ANK2: variants seen among roughly 807,000 people sequenced by gnomAD.
ANK2 encodes ankyrin 2.
ANK2 carries 83 observed loss-of-function variants against 360.5 expected under a neutral mutation model. That is an observed-to-expected ratio of 0.23 (90% CI 0.19 to 0.28). The LOEUF is 0.28. Among genes scored for constraint, ANK2 ranks in the 10% least tolerant of loss-of-function variants. ANK2 has a pLI of 1.00. For missense variants in ANK2, 4,201 were observed against 4,795.7 expected, an observed-to-expected ratio of 0.88 and a Z score of 3.66; for synonymous variants, 1,740 against 1,759.5, an observed-to-expected ratio of 0.99 and a Z score of 0.28.
chr4:113,278,586 G>A (rs2153701442), intron 17 of ANK2, 28 bp downstream of exon 17: 1 of 1,597,782 alleles, frequency 6.3e-7, no homozygotes, highest in Non-Finnish European at 8.6e-7. Context: ...GGATTTACAG[G>A]CATAGGGTGT....
intron 6 of ANK2, 54 bp downstream of exon 6, chr4:113,237,226 T>C (rs2099390167): frequency 1.3e-6 from 2 of 1,557,754 alleles, no homozygotes; most frequent in Non-Finnish European, 1.8e-6. Context: ...GCCAGACTCC[T>C]CCTGGGGGAT....
In ANK2 at chr4:113,166,846, G is replaced by A. The variant is rs111979954; in HGVS notation, c.85-7570G>A. Among the ~76,000 whole-genome samples the A allele has an allele frequency of 2.3e-3, 351 of 152,058 alleles. 1 individual carries two copies. Among genetic ancestry groups the A allele is most frequent in the African/African-American group, 8.2e-3 (340 of 41,502 alleles). On this transcript the variant is annotated intron_variant, in intron 1 of 45. Coordinates refer to ENST00000357077, the MANE Select transcript of ANK2 (RefSeq NM_001148.6). ...TTGTAGTAAACATGTTGAAGAACAG[G>A]GGAGTAATGCTATTTATACAATATA...
At chr4:113,060,417 C>A (rs1462214609) in intron 1 of ANK2, among the ~76,000 whole-genome samples, 1 of 151,890 alleles carries the variant, frequency 6.6e-6, no homozygotes, top group Non-Finnish European at 1.5e-5. Context: ...GTTTATGATT[C>A]CATATTAAAG....
intron 45 of ANK2, among the ~76,000 whole-genome samples, chr4:113,375,989 T>C (rs932142299): frequency 1.3e-5 from 2 of 152,238 alleles, no homozygotes. Flanking sequence ...AGTACAGTCA[T>C]GCATTGCTTA....
chr4:112,941,567 AAT>A (rs2094212793), intron 2 of ANK2, among the ~76,000 whole-genome samples: 1 of 144,246 alleles, frequency 6.9e-6, no homozygotes, highest in South Asian at 2.1e-4. Context: ...TATCTCTATA[AAT>A]ATATCTTTAT....
chr4:113,370,440 T>G (rs529060451), intron 43 of ANK2, among the ~76,000 whole-genome samples: 26 of 152,002 alleles, frequency 1.7e-4, no homozygotes, highest in Non-Finnish European at 1.9e-4. Flanking sequence ...TTTAAAATTG[T>G]GAAAAGGGGT....
intron 1 of ANK2, among the ~76,000 whole-genome samples, chr4:112,884,026 G>A (rs2077564948): frequency 6.6e-6 from 1 of 151,798 alleles, no homozygotes; most frequent in South Asian, 2.1e-4. Context: ...GCCAAATTTG[G>A]TCTCATAGCA....
At chr4:113,364,754 G>A (rs2096436242) in intron 40 of ANK2, among the ~76,000 whole-genome samples, 1 of 152,098 alleles carries the variant, frequency 6.6e-6, no homozygotes, top group South Asian at 2.1e-4. Context: ...TAATATTTGG[G>A]GCATATTTAT....
intron 2 of ANK2, among the ~76,000 whole-genome samples, chr4:113,194,866 G>T (rs1454549465): frequency 6.6e-6 from 1 of 152,024 alleles, no homozygotes; most frequent in Non-Finnish European, 1.5e-5. Context: ...TCCTGCTTTA[G>T]TTGTTTCCCA....
At chr4:112,782,582 A>G in the ANK2 span, among the ~76,000 whole-genome samples, 1 of 151,986 alleles carries the variant, frequency 6.6e-6, no homozygotes, top group South Asian at 2.1e-4. Flanking sequence ...AAACCAGATT[A>G]AAGGCTGGGC....
chr4:112,733,729 TAGAAA>T, the ANK2 span, among the ~76,000 whole-genome samples: 3 of 152,126 alleles, frequency 2.0e-5, no homozygotes, highest in South Asian at 2.1e-4. Context: ...ATATATTGCA[TAGAAA>T]AGAAAAGAAA....
At chr4:112,750,494 G>A in the ANK2 span, among the ~76,000 whole-genome samples, 1 of 152,132 alleles carries the variant, frequency 6.6e-6, no homozygotes, top group Non-Finnish European at 1.5e-5. Flanking sequence ...ATAGTAACAT[G>A]CTGTACAGTT....
chr4:112,728,568 T>C, the ANK2 span, among the ~76,000 whole-genome samples: 1 of 151,656 alleles, frequency 6.6e-6, no homozygotes, highest in Non-Finnish European at 1.5e-5. Flanking sequence ...CTGGGCAAAA[T>C]GGCAAAACCC....
chr4:112,940,754 T>A (rs770975164), intron 2 of ANK2, among the ~76,000 whole-genome samples: 2 of 152,152 alleles, frequency 1.3e-5, no homozygotes, highest in Non-Finnish European at 2.9e-5. Flanking sequence ...ATCTGTAAAC[T>A]CTTTTTTGCA....
chr4:112,755,900 A>G, the ANK2 span: 1 of 152,418 alleles, frequency 6.6e-6, no homozygotes, highest in Non-Finnish European at 1.5e-5. Flanking sequence ...CATAAATACC[A>G]CTGCACTTGG....
rs961970956 is a variant in ANK2 at position 113,382,691 on chromosome 4, C to T, written c.*1220C>T. 6.7e-6 allele frequency: 1 copy of T among 150,074 alleles called. No individual in the cohort carries two copies. The highest frequency in any genetic ancestry group is 2.5e-5 in the African/African-American group (1 of 40,752). The allele number at this position is 150,074 out of a possible 1,614,324, so 9.3% of individuals were successfully genotyped here. A position where few individuals can be genotyped will look rare whatever the true frequency, so the allele number is the denominator to read the frequency against. ...TATCTTCTCTAATACCTGCATGTGG[C>T]GTTTAAAAATCAAGACCACGGTCAA... is the stretch of plus-strand genomic sequence containing the variant. On this transcript the variant is annotated 3_prime_UTR_variant, in exon 46 of 46. Coordinates refer to ENST00000357077, the MANE Select transcript of ANK2 (RefSeq NM_001148.6).
intron 1 of ANK2, among the ~76,000 whole-genome samples, chr4:112,878,066 G>C (rs1209646022): frequency 6.6e-6 from 1 of 152,038 alleles, no homozygotes; most frequent in Non-Finnish European, 1.5e-5. Flanking sequence ...GTCCCTCCAG[G>C]TTTACATGTA....
chr4:113,044,820 A>G (rs1411398561), upstream of ANK2, among the ~76,000 whole-genome samples: 1 of 152,072 alleles, frequency 6.6e-6, no homozygotes, highest in Non-Finnish European at 1.5e-5. Context: ...CTAGTTCATT[A>G]TGACCTCATC....
At chr4:113,236,445 G>T (rs1319278100) in intron 5 of ANK2, among the ~76,000 whole-genome samples, 3 of 152,150 alleles carry the variant, frequency 2.0e-5, no homozygotes, top group Admixed American at 2.0e-4. Context: ...ATCCTAATTT[G>T]CCAGAGTTTT....
Sources: allele counts gnomAD v4.1 joint callset (sites outside exome capture counted in the v4.1 genomes callset), GRCh38; gene constraint gnomAD v4.1.1; transcripts MANE v1.5; gene names NCBI Gene and HGNC (gene_info 2026-07-23, HGNC 2026-07-21).